Variants in IFT140 observed in about 807,000 individuals in gnomAD.
The protein encoded by IFT140 is intraflagellar transport protein 140 homolog.
Under a neutral mutation model 164.6 loss-of-function variants are expected in IFT140, and 133 were observed. The ratio of observed to expected loss-of-function variants is 0.81; its 90% confidence interval spans 0.70 to 0.93. The LOEUF is 0.93. Ranked by LOEUF, IFT140 falls within the 40% of genes least tolerant of loss-of-function variation. The pLI is 0.00. For missense variants in IFT140, 2,045 were observed against 1,972.3 expected (o/e 1.04, Z -0.70); for synonymous variants, 860 against 817.3 (o/e 1.05, Z -0.89).
intron 19 of IFT140, among the ~76,000 whole-genome samples, chr16:1,539,422 T>A (rs1050799304): frequency 6.6e-6 from 1 of 152,244 alleles, no homozygotes; most frequent in African/African-American, 2.4e-5. Context: ...CCTCTGGCAT[T>A]TCCAGTGCCC....
At position 1,524,843 on chromosome 16, in the gene IFT140, G is replaced by A; in HGVS notation, c.2938C>T (p.Leu980=). Residue 980 remains leucine (L), a synonymous_variant, in exon 23 of 31, where the codon CTG becomes TTG. Transcript: ENST00000426508. ...EMDAALHYYE[L]ARDHFSLVRI... is the part of the protein sequence containing the mutation. ...ACCAGGGAGAAGTGGTCCCGGGCCA[G>A]CTCGTAGTAGTGCAGCGCGGCGTCC... 1 of 1,613,166 alleles carries A rather than the reference G, an allele frequency of 6.2e-7. No homozygotes were observed. The highest frequency in any genetic ancestry group is 8.5e-7 in the Non-Finnish European group (1 of 1,179,574).
intron 14 of IFT140, among the ~76,000 whole-genome samples, chr16:1,570,690 C>G (rs1051283615): frequency 6.6e-6 from 1 of 152,202 alleles, no homozygotes; most frequent in Non-Finnish European, 1.5e-5. Flanking sequence ...GAAGCTGTTT[C>G]ATACATTTGG....
chr16:1,587,272 A>T lies in IFT140; in HGVS notation c.935T>A (p.Ile312Lys). 9 of 1,612,438 alleles carry T rather than the reference A, an allele frequency of 5.6e-6. No individual in the cohort carries two copies. Among genetic ancestry groups the T allele is most frequent in the Non-Finnish European group, 6.8e-6 (8 of 1,178,514 alleles). The change falls in exon 9 of 31, where the codon ATA (isoleucine) becomes AAA (lysine). Residue 312 changes from isoleucine (I) to lysine (K), a missense_variant. Ile to Lys is a moderately radical substitution (Grantham distance 102). Transcript: ENST00000426508. The part of the protein sequence containing the change: ...FWDIERGENY[I>K]LSPDEKFGFE... ...GCCAAACTTCTCATCTGGACTCAGT[A>T]TATAATTCTCTCCTCGTTCTATGTC... is the stretch of plus-strand genomic sequence containing the variant.
chr16:1,602,158 A>C, intron 4 of IFT140: 1 of 579,010 alleles, frequency 1.7e-6, no homozygotes, highest in East Asian at 2.9e-5. Flanking sequence ...TTTCCCAGCA[A>C]AGTTCATTTA....
chr16:1,604,274 C>CGCGT (rs552736270), intron 3 of IFT140: 1 of 129,870 alleles, frequency 7.7e-6, no homozygotes, highest in East Asian at 2.3e-4. Context: ...GCTGCAAGGG[C>CGCGT]GTGTGTGTGT....
chr16:1,611,642 C>A (rs1241837562), intron 1 of IFT140, among the ~76,000 whole-genome samples: 1 of 151,920 alleles, frequency 6.6e-6, no homozygotes, highest in Non-Finnish European at 1.5e-5. Context: ...TGGTGAAACC[C>A]CGTATGTACT....
At chr16:1,580,887 C>T (rs1596402592) in intron 12 of IFT140, 37 bp from the exon 13 acceptor site, 1 of 1,415,520 alleles carries the variant, frequency 7.1e-7, no homozygotes, top group Non-Finnish European at 1.0e-6. Flanking sequence ...GGCGGCCGCT[C>T]ATCCGCCAGA....
At chr16:1,537,683 C>T (rs768915152) in intron 19 of IFT140, among the ~76,000 whole-genome samples, 1 of 152,248 alleles carries the variant, frequency 6.6e-6, no homozygotes, top group African/African-American at 2.4e-5. Context: ...CTCCTCACTT[C>T]GTCTCGTTTT....
chr16:1,520,442 G>A (rs779785652), intron 27 of IFT140, 99 bp from the exon 28 acceptor site: 27 of 1,402,926 alleles, frequency 1.9e-5, no homozygotes, highest in Non-Finnish European at 2.6e-5. Flanking sequence ...GTGGCTCAGG[G>A]CTGCCCGGTA....
At chr16:1,530,279 T>C (rs1234195747) in intron 19 of IFT140, among the ~76,000 whole-genome samples, 1 of 151,642 alleles carries the variant, frequency 6.6e-6, no homozygotes, top group African/African-American at 2.4e-5. Flanking sequence ...ACTACAGGCA[T>C]GCGCCACCAC....
intron 6 of IFT140, among the ~76,000 whole-genome samples, chr16:1,590,873 C>T (rs1256022236): frequency 6.6e-6 from 1 of 152,150 alleles, no homozygotes; most frequent in African/African-American, 2.4e-5. Flanking sequence ...TCAAGTGATC[C>T]TCCCAACCAG....
At chr16:1,567,931 A>T (rs1221595153) in intron 15 of IFT140, among the ~76,000 whole-genome samples, 1 of 152,202 alleles carries the variant, frequency 6.6e-6, no homozygotes, top group African/African-American at 2.4e-5. Context: ...CAACTCTCCA[A>T]CAAGGAATCG....
At position 1,511,086 on chromosome 16, in the gene IFT140, C is replaced by T. The variant is rs776723046; in HGVS notation, c.4247G>A (p.Ser1416Asn). 7 of 1,610,268 alleles carry T rather than the reference C, an allele frequency of 4.3e-6. No individual in the cohort carries two copies. Among genetic ancestry groups the T allele is most frequent in the Admixed American group, 3.4e-5 (2 of 59,680 alleles). The stretch of plus-strand genomic sequence containing the variant: ...GTGCACGGCGTCCACGGCCTGCGGG[C>T]TCACGTAGTAGGACATGTTGGCCAA... ...LPLANMSYYV[S>N]PQAVDAVHRG... Residue 1416 changes from serine to asparagine, a missense_variant, in exon 31 of 31, where the codon AGC becomes AAC. By Grantham distance (46) the Ser-to-Asn change is conservative. Coordinates refer to ENST00000426508, the MANE Select transcript of IFT140 (RefSeq NM_014714.4).
chr16:1,525,200 C>A (rs181470068), intron 22 of IFT140, 31 bp downstream of exon 22: 1 of 1,513,078 alleles, frequency 6.6e-7, no homozygotes, highest in Non-Finnish European at 9.2e-7. Context: ...GGATGGAGTG[C>A]GGTCCCACCA....
At chr16:1,559,292 G>A (rs1386744604) in intron 18 of IFT140, among the ~76,000 whole-genome samples, 2 of 152,212 alleles carry the variant, frequency 1.3e-5, no homozygotes, top group Non-Finnish European at 2.9e-5. Context: ...TGTCAGCTTG[G>A]TGTGGACAGA....
intron 2 of IFT140, chr16:1,609,980 G>C (rs1418996258): frequency 6.6e-6 from 1 of 152,232 alleles, no homozygotes; most frequent in Non-Finnish European, 1.5e-5. Context: ...GGCGTCCAGC[G>C]TCTCCAGAGC....
At chr16:1,556,827 T>C (rs903115791) in intron 19 of IFT140, among the ~76,000 whole-genome samples, 1 of 152,216 alleles carries the variant, frequency 6.6e-6, no homozygotes, top group African/African-American at 2.4e-5. Flanking sequence ...TTGTTTTCTT[T>C]TGGACGGAGT....
intron 19 of IFT140, among the ~76,000 whole-genome samples, chr16:1,527,234 G>A (rs554918779): frequency 3.7e-4 from 57 of 152,326 alleles, no homozygotes; most frequent in African/African-American, 1.1e-3. Context: ...ACCCTCACCC[G>A]ACAGTCTGGC....
chr16:1,571,000 T>G (rs1357751262), intron 14 of IFT140, among the ~76,000 whole-genome samples: 1 of 152,162 alleles, frequency 6.6e-6, no homozygotes, highest in Non-Finnish European at 1.5e-5. Context: ...CAAGCAGTCT[T>G]CTCGCCTTGG....
Sources: gnomAD v4.1 joint callset for allele counts (sites outside exome capture counted in the v4.1 genomes callset) on GRCh38, gnomAD v4.1.1 for gene constraint, MANE v1.5 for transcripts, NCBI Gene and HGNC (gene_info 2026-07-23, HGNC 2026-07-21) for gene names.